Variants in TSHZ2 observed in about 807,000 individuals in gnomAD.
The protein encoded by TSHZ2 is teashirt zinc finger homeobox 2, also known as teashirt homolog 2.
Under a neutral mutation model 74.4 loss-of-function variants are expected in TSHZ2, and 21 were observed. The ratio of observed to expected loss-of-function variants is 0.28; its 90% CI spans 0.20 to 0.41. The LOEUF (loss-of-function observed/expected upper bound fraction) is 0.41, where lower values mean the gene tolerates loss of function less well. Among genes scored for constraint, TSHZ2 ranks in the 10% least tolerant of loss-of-function variants. The probability of loss-of-function intolerance (pLI) is 1.00; values close to 1 mark genes in which losing one functional copy is unlikely to be tolerated. For missense variants in TSHZ2, 1,244 were observed against 1,293.5 expected (o/e 0.96, Z 0.59); for synonymous variants, 540 against 515.3 (o/e 1.05, Z -0.65).
At chr20:53,403,544 C>G (rs1462068851) in intron 2 of TSHZ2, among the ~76,000 whole-genome samples, 1 of 152,196 alleles carries the variant, frequency 6.6e-6, no homozygotes, top group African/African-American at 2.4e-5. Flanking sequence ...CTGTGTGCAG[C>G]ATCCACATCT....
chr20:53,485,999 T>A (rs1423083687), intron 2 of TSHZ2, among the ~76,000 whole-genome samples: 1 of 152,222 alleles, frequency 6.6e-6, no homozygotes, highest in African/African-American at 2.4e-5. Flanking sequence ...TTTTTCATCT[T>A]ACAAAAGATG....
At chr20:52,996,100 C>A (rs1428954835) in intron 1 of TSHZ2, among the ~76,000 whole-genome samples, 1 of 152,018 alleles carries the variant, frequency 6.6e-6, no homozygotes, top group Non-Finnish European at 1.5e-5. Context: ...ACATAGATGT[C>A]TTTGGAGAAA....
intron 1 of TSHZ2, among the ~76,000 whole-genome samples, chr20:53,056,555 G>T (rs538799765): frequency 3.9e-5 from 6 of 152,266 alleles, no homozygotes; most frequent in African/African-American, 1.4e-4. Context: ...TTAAATAAAT[G>T]AGTTTCTTTT....
intron 2 of TSHZ2, among the ~76,000 whole-genome samples, chr20:53,427,381 C>T (rs1983692218): frequency 6.6e-6 from 1 of 152,162 alleles, no homozygotes; most frequent in Admixed American, 6.5e-5. Flanking sequence ...GGTATGATTT[C>T]AGTTTCTCCT....
chr20:53,130,763 G>A (rs1194791126), intron 1 of TSHZ2, among the ~76,000 whole-genome samples: 1 of 152,208 alleles, frequency 6.6e-6, no homozygotes, highest in Non-Finnish European at 1.5e-5. Context: ...TTCAGACCCA[G>A]GCCCTGAATT....
chr20:53,481,263 C>CTT (rs869296520), intron 2 of TSHZ2, among the ~76,000 whole-genome samples: 3 of 152,064 alleles, frequency 2.0e-5, no homozygotes, highest in Non-Finnish European at 2.9e-5. Context: ...TTTTACTTTA[C>CTT]TTTTCTTTTA....
At chr20:53,175,025 T>G (rs1297800293) in intron 1 of TSHZ2, among the ~76,000 whole-genome samples, 1 of 152,122 alleles carries the variant, frequency 6.6e-6, no homozygotes, top group African/African-American at 2.4e-5. Flanking sequence ...AGTTTCTGTT[T>G]GCTGGCTTTT....
intron 2 of TSHZ2, among the ~76,000 whole-genome samples, chr20:53,434,151 C>T (rs990130229): frequency 7.9e-5 from 12 of 152,060 alleles, no homozygotes; most frequent in African/African-American, 2.4e-4. Context: ...ATTACAGGCA[C>T]GAGCCACCAC....
At chr20:53,443,112 T>G (rs891743501) in intron 2 of TSHZ2, among the ~76,000 whole-genome samples, 2 of 152,156 alleles carry the variant, frequency 1.3e-5, no homozygotes, top group Non-Finnish European at 2.9e-5. Flanking sequence ...ACCATTTAAT[T>G]CCAAAGAAGC....
chr20:53,003,423 CCT>C (rs1982518332), intron 1 of TSHZ2, among the ~76,000 whole-genome samples: 1 of 152,090 alleles, frequency 6.6e-6, no homozygotes. Flanking sequence ...TTACTCCTTC[CCT>C]CTGTGAACTT....
chr20:53,041,731 G>T (rs1458752216), intron 1 of TSHZ2, among the ~76,000 whole-genome samples: 1 of 152,200 alleles, frequency 6.6e-6, no homozygotes, highest in Non-Finnish European at 1.5e-5. Context: ...GTATGCAGCT[G>T]GTAAGTGGCA....
intron 1 of TSHZ2, among the ~76,000 whole-genome samples, chr20:53,218,897 G>T (rs904202077): frequency 1.3e-5 from 2 of 152,166 alleles, no homozygotes; most frequent in African/African-American, 4.8e-5. Context: ...CCATTTTGGA[G>T]ACTTTCTAAT....
At chr20:53,028,336 A>G (rs1308909280) in intron 1 of TSHZ2, among the ~76,000 whole-genome samples, 2 of 152,216 alleles carry the variant, frequency 1.3e-5, no homozygotes, top group Non-Finnish European at 2.9e-5. Flanking sequence ...CAAGCATCAC[A>G]TCCCCGATGT....
chr20:53,245,158 C>T (rs1001493121), intron 1 of TSHZ2, among the ~76,000 whole-genome samples: 2 of 152,172 alleles, frequency 1.3e-5, no homozygotes, highest in African/African-American at 2.4e-5. Context: ...ACATGCTATA[C>T]TCTAAAGCAT....
chr20:53,253,812 A>G lies in TSHZ2; in HGVS notation c.354A>G (p.Ala118=). Residue 118 remains alanine (A), a synonymous_variant, in exon 2 of 3, where the codon GCA becomes GCG. Coordinates refer to ENST00000371497, the MANE Select transcript of TSHZ2 (RefSeq NM_173485.6). Reference sequence around the variant, plus strand: ...CTCACGTCAGGCTTCCAAACGAAGCACACAATTGCATGGATAAAATGACCG... The same window carrying G: ...CTCACGTCAGGCTTCCAAACGAAGCGCACAATTGCATGGATAAAATGACCG... ...AHTHVRLPNE[A]HNCMDKMTAV... 1 of 1,614,188 alleles carries G rather than the reference A, an allele frequency of 6.2e-7. No homozygotes were observed. The highest frequency in any genetic ancestry group is 1.1e-5 in the South Asian group (1 of 91,066).
In TSHZ2 at chr20:53,469,555, GGGAAGGAAGGAAGGAA is replaced by G. The variant is rs142116366; in HGVS notation, c.*9-17561_*9-17546del. On this transcript the variant is annotated intron_variant, in intron 2 of 2. Coordinates refer to ENST00000371497, the MANE Select transcript of TSHZ2 (RefSeq NM_173485.6). ...ACTCTGTCAAGAAAAGAAAGAAGGA[GGGAAGGAAGGAAGGAA>G]GGAAGGAAGGAAGGAAGGAAGGAAG... Among the ~76,000 whole-genome samples the G allele has an allele frequency of 2.0e-3, 156 of 78,360 alleles. 4 individuals are homozygous for G. Among genetic ancestry groups the G allele is most frequent in the East Asian group, 0.012 (31 of 2,534 alleles). 51.4% of individuals were successfully genotyped at this position (78,360 alleles called of 152,430 possible). A position where few individuals can be genotyped will look rare whatever the true frequency, so the allele number is the denominator to read the frequency against.
intron 1 of TSHZ2, among the ~76,000 whole-genome samples, chr20:53,128,464 T>C (rs1320653402): frequency 6.6e-6 from 1 of 152,180 alleles, no homozygotes; most frequent in African/African-American, 2.4e-5. Context: ...TTTAAGACAG[T>C]AGATTGCTAT....
intron 2 of TSHZ2, among the ~76,000 whole-genome samples, chr20:53,438,807 G>A (rs1281059927): frequency 2.6e-5 from 4 of 152,104 alleles, no homozygotes; most frequent in Non-Finnish European, 4.4e-5. Context: ...CAAAAATTAC[G>A]AAATTAGCCA....
intron 1 of TSHZ2, among the ~76,000 whole-genome samples, chr20:53,246,932 C>A (rs556151247): frequency 1.3e-5 from 2 of 152,272 alleles, no homozygotes; most frequent in East Asian, 1.9e-4. Context: ...TCCAATTACC[C>A]GAACCATCTT....
Sources: gnomAD v4.1 joint callset for allele counts (sites outside exome capture counted in the v4.1 genomes callset) on GRCh38, gnomAD v4.1.1 for gene constraint, MANE v1.5 for transcripts, NCBI Gene and HGNC (gene_info 2026-07-23, HGNC 2026-07-21) for gene names.